Variants in FAM107B observed in about 807,000 individuals in gnomAD.
FAM107B encodes protein FAM107B.
FAM107B carries 21 observed loss-of-function variants against 31.5 expected under a neutral mutation model. The observed-to-expected ratio is 0.67, with a 90% CI of 0.47 to 0.96. The LOEUF is 0.96. Among genes scored for constraint, FAM107B ranks in the 40% least tolerant of loss-of-function variants. The pLI is 0.00. For synonymous variants in FAM107B, 157 were observed against 141.5 expected (o/e 1.11, Z -0.78); for missense variants, 452 against 377.1 (o/e 1.20, Z -1.64).
chr10:14,558,304 C>T (rs576898324), intron 2 of FAM107B, among the ~76,000 whole-genome samples: 153 of 151,274 alleles, frequency 1.0e-3, no homozygotes, highest in African/African-American at 3.6e-3. Context: ...CACGCACACA[C>T]GCACACACAC....
chr10:14,561,521 C>T (rs2131176724), intron 2 of FAM107B, among the ~76,000 whole-genome samples: 1 of 152,272 alleles, frequency 6.6e-6, no homozygotes, highest in East Asian at 1.9e-4. Flanking sequence ...GAGGCCTGAC[C>T]AGGTAAGCGG....
At chr10:14,657,378 A>C (rs999036403) in intron 2 of FAM107B, among the ~76,000 whole-genome samples, 1 of 152,282 alleles carries the variant, frequency 6.6e-6, no homozygotes, top group South Asian at 2.1e-4. Flanking sequence ...TCAAGGCAAA[A>C]TGGCAGAGGA....
intron 2 of FAM107B, among the ~76,000 whole-genome samples, chr10:14,575,161 G>T (rs1203936136): frequency 6.6e-6 from 1 of 151,932 alleles, no homozygotes; most frequent in Admixed American, 6.6e-5. Flanking sequence ...TAAGTAGCTT[G>T]TACTTCCCTG....
At position 14,743,889 on chromosome 10, in the gene FAM107B, G is replaced by C. The variant is rs190641163; in HGVS notation, c.411+30364C>G. On this transcript the variant is annotated intron_variant, in intron 1 of 4. Transcript: ENST00000181796. ...AAGTATTTTTTTCTAATTCTGTGAAGAATGTCAATGGTAGTTTAATGAGAA... is the reference window on the plus strand; with the variant it reads ...AAGTATTTTTTTCTAATTCTGTGAACAATGTCAATGGTAGTTTAATGAGAA... Among the ~76,000 whole-genome samples, 31 of 152,264 alleles carry C rather than the reference G, an allele frequency of 2.0e-4. No homozygotes were observed. The East Asian group carries it at 5.8e-3, about 28-fold the overall frequency.
At chr10:14,586,919 G>A (rs748696146) in intron 2 of FAM107B, among the ~76,000 whole-genome samples, 1 of 152,196 alleles carries the variant, frequency 6.6e-6, no homozygotes, top group African/African-American at 2.4e-5. Context: ...GGCCCAAGAG[G>A]ATGATATAGG....
At chr10:14,653,622 T>G (rs1339719053) in intron 2 of FAM107B, among the ~76,000 whole-genome samples, 1 of 134,654 alleles carries the variant, frequency 7.4e-6, no homozygotes, top group Non-Finnish European at 1.7e-5. Flanking sequence ...CAGTCATCCA[T>G]GTGGTTCCAT....
At chr10:14,667,798 T>C (rs1854444278) in intron 1 of FAM107B, 107 bp from the exon 2 acceptor site, 3 of 1,169,424 alleles carry the variant, frequency 2.6e-6, no homozygotes, top group Non-Finnish European at 3.7e-6. Context: ...GATCAAGACT[T>C]GAAAAACTTA....
chr10:14,548,530 G>A (rs1316248857), intron 2 of FAM107B: 3 of 985,366 alleles, frequency 3.0e-6, no homozygotes, highest in South Asian at 9.4e-5. Flanking sequence ...GCTTGGAGGT[G>A]GCAGGAGGAA....
At chr10:14,748,510 A>G (rs1254248176) in intron 1 of FAM107B, among the ~76,000 whole-genome samples, 2 of 152,184 alleles carry the variant, frequency 1.3e-5, no homozygotes, top group Non-Finnish European at 2.9e-5. Context: ...ACTTCTTACA[A>G]TCTGAGGTAT....
chr10:14,696,113 G>A (rs997719363), intron 1 of FAM107B, among the ~76,000 whole-genome samples: 2 of 152,166 alleles, frequency 1.3e-5, no homozygotes, highest in African/African-American at 4.8e-5. Flanking sequence ...TTAGCTGTGG[G>A]TTTTTCCTAG....
At chr10:14,535,401 A>G (rs1276755129) in intron 2 of FAM107B, among the ~76,000 whole-genome samples, 1 of 152,200 alleles carries the variant, frequency 6.6e-6, no homozygotes, top group Non-Finnish European at 1.5e-5. Flanking sequence ...AAGCCCAACT[A>G]TGCAACCAGC....
At chr10:14,592,849 G>C (rs954210049) in intron 2 of FAM107B, among the ~76,000 whole-genome samples, 1 of 152,238 alleles carries the variant, frequency 6.6e-6, no homozygotes, top group Non-Finnish European at 1.5e-5. Flanking sequence ...AAGCTGAACA[G>C]AGTCCCTTGG....
At chr10:14,734,488 G>GTGTTTTTGTTTTTT (rs558940939) in intron 1 of FAM107B, among the ~76,000 whole-genome samples, 1 of 138,544 alleles carries the variant, frequency 7.2e-6, no homozygotes, top group African/African-American at 2.7e-5. Flanking sequence ...TTTTTGTGAG[G>GTGTTTTTGTTTTTT]TTTTTTTTTT....
intron 1 of FAM107B, among the ~76,000 whole-genome samples, chr10:14,739,571 G>A (rs2131571128): frequency 6.6e-6 from 1 of 151,500 alleles, no homozygotes; most frequent in Middle Eastern, 3.4e-3. Context: ...TGTGACTTGG[G>A]CCTGACCAAT....
Position 14,550,178 on chromosome 10 carries a change from C to T in FAM107B, c.470-19663G>A, listed in dbSNP as rs147814739. Among the ~76,000 whole-genome samples, 10 of 152,322 alleles carry T rather than the reference C, an allele frequency of 6.6e-5. No individual in the cohort carries two copies. The East Asian group carries it at 1.9e-3, about 29-fold the overall frequency. On this transcript the variant is annotated intron_variant, in intron 2 of 4. Coordinates refer to ENST00000181796, the MANE Select transcript of FAM107B (RefSeq NM_031453.4). ...GTGATCCGATTTATCTTGACTCCAA[C>T]AGGATGCTTTTAAGGATCATTTAGG...
chr10:14,647,071 A>G lies in FAM107B; in HGVS notation c.469+20563T>C, dbSNP rs957415191. On this transcript the variant is annotated intron_variant, in intron 2 of 4. Coordinates refer to ENST00000181796, the MANE Select transcript of FAM107B (RefSeq NM_031453.4). ...GGCCTCCCAAAGTGCTGGGATTACAAGTGTGAGCCACTGTGCCCGGCTCCA... is the reference window on the plus strand; with the variant it reads ...GGCCTCCCAAAGTGCTGGGATTACAGGTGTGAGCCACTGTGCCCGGCTCCA... 7.9e-5 allele frequency among the ~76,000 whole-genome samples: 12 copies of G among 151,998 alleles called. 1 individual carries two copies. Among genetic ancestry groups the G allele is most frequent in the Admixed American group, 7.9e-4 (12 of 15,250 alleles).
intron 1 of FAM107B, among the ~76,000 whole-genome samples, chr10:14,731,078 T>C (rs1401487567): frequency 6.6e-6 from 1 of 152,198 alleles, no homozygotes; most frequent in Non-Finnish European, 1.5e-5. Flanking sequence ...GTTTTGAACC[T>C]GCTCACTTTG....
chr10:14,541,589 T>C (rs1222235616), intron 2 of FAM107B, among the ~76,000 whole-genome samples: 1 of 152,184 alleles, frequency 6.6e-6, no homozygotes, highest in Non-Finnish European at 1.5e-5. Context: ...CATGTCCTAC[T>C]GTTTGAACTG....
chr10:14,717,731 C>G (rs545116278), intron 1 of FAM107B, among the ~76,000 whole-genome samples: 14 of 136,952 alleles, frequency 1.0e-4, no homozygotes, highest in Middle Eastern at 3.5e-3. Flanking sequence ...ACTCAAATGT[C>G]AGTCTCCTCT....
Sources: allele counts gnomAD v4.1 joint callset (sites outside exome capture counted in the v4.1 genomes callset), GRCh38; gene constraint gnomAD v4.1.1; transcripts MANE v1.5; gene names NCBI Gene and HGNC (gene_info 2026-07-23, HGNC 2026-07-21).